SPG11: variants seen among roughly 807,000 people sequenced by gnomAD.
SPG11 encodes the protein spatacsin.
SPG11 carries 222 observed loss-of-function variants against 274.0 expected under a neutral mutation model. The observed-to-expected ratio is 0.81, with a 90% confidence interval of 0.73 to 0.91. The LOEUF (loss-of-function observed/expected upper bound fraction) is 0.91, where lower values mean the gene tolerates loss of function less well. Ranked by LOEUF, SPG11 falls within the 40% of genes least tolerant of loss-of-function variation. The pLI is 0.00. For synonymous variants in SPG11, 1,144 were observed against 1,039.7 expected (o/e 1.10, Z -1.93); for missense variants, 3,114 against 2,872.7 (o/e 1.08, Z -1.92).
rs1350976539 is a variant in SPG11, at chr15:44,569,436, G to T, written c.6547C>A (p.His2183Asn). ...TYIFDLLHKK[H>N]YFEVLMRKKL... ...TTCCTCATTAGCACTTCAAAGTAGT[G>T]CTTTTTATGCAGCAAATCAAATATG... The change falls in exon 35 of 40, where the codon CAC becomes AAC. Residue 2183 changes from histidine (H) to asparagine (N), a missense_variant. Coordinates refer to ENST00000261866, the MANE Select transcript of SPG11 (RefSeq NM_025137.4). 4 of 1,606,932 alleles carry T rather than the reference G, an allele frequency of 2.5e-6. No individual in the cohort carries two copies. The African/African-American group carries it at 4.0e-5, about 16-fold the overall frequency.
At position 44,626,301 on chromosome 15, in the gene SPG11, T is replaced by C. The variant is rs549882618; in HGVS notation, c.2244+30A>G. 1.9e-5 allele frequency: 30 copies of C among 1,570,452 alleles called. No individual in the cohort carries two copies. The African/African-American group carries it at 3.9e-4, about 21-fold the overall frequency. ...ATAACTAGAAATTATATTAAATACA[T>C]TTTAAGACTTTATGGATTACACCAC... On this transcript the variant is annotated intron_variant, in intron 11 of 39. Transcript: ENST00000261866.
intron 7 of SPG11, among the ~76,000 whole-genome samples, chr15:44,641,782 C>T (rs1595915453): frequency 6.6e-6 from 1 of 151,892 alleles, no homozygotes. Flanking sequence ...ATAAAACAAT[C>T]TTGGAAAACT....
chr15:44,609,104 A>T (rs1019079585), intron 18 of SPG11, among the ~76,000 whole-genome samples: 1 of 152,160 alleles, frequency 6.6e-6, no homozygotes, highest in Admixed American at 6.5e-5. Context: ...AGCACCATTA[A>T]GAAACTTTTG....
chr15:44,631,199 C>T (rs1192423021), intron 8 of SPG11, among the ~76,000 whole-genome samples: 1 of 152,120 alleles, frequency 6.6e-6, no homozygotes, highest in East Asian at 1.9e-4. Context: ...ATTTCTAGCA[C>T]ACTGTTAACA....
chr15:44,568,679 TC>T (rs1194561024), intron 35 of SPG11, among the ~76,000 whole-genome samples: 1 of 152,138 alleles, frequency 6.6e-6, no homozygotes, highest in Non-Finnish European at 1.5e-5. Context: ...TGTGTTTGAT[TC>T]CCAACCTGGC....
Position 44,663,377 on chromosome 15 carries a change from C to T in SPG11, c.257+14G>A, listed in dbSNP as rs746310484. ...TGGACTCCCCCAACGGCCCAACTCTCCCTCAGCACTTACTGCCAGAAGGGG... is the reference window on the plus strand; with the variant it reads ...TGGACTCCCCCAACGGCCCAACTCTTCCTCAGCACTTACTGCCAGAAGGGG... On this transcript the variant is annotated intron_variant, in intron 1 of 39. Transcript: ENST00000261866. 2.5e-6 allele frequency: 4 copies of T among 1,605,002 alleles called. No homozygotes were observed. Among genetic ancestry groups the T allele is most frequent in the Non-Finnish European group, 3.4e-6 (4 of 1,176,508 alleles).
chr15:44,657,392 ATTT>A, intron 3 of SPG11, 96 bp from the exon 4 acceptor site: 1 of 1,122,846 alleles, frequency 8.9e-7, no homozygotes, highest in Non-Finnish European at 1.3e-6. Context: ...TATCACTCCA[ATTT>A]TGTAGGTATA....
intron 30 of SPG11, among the ~76,000 whole-genome samples, chr15:44,583,493 A>G (rs1269375884): frequency 2.0e-5 from 3 of 152,192 alleles, no homozygotes; most frequent in African/African-American, 7.2e-5. Flanking sequence ...AAAGAAAAAC[A>G]AAAAGCCATA....
chr15:44,578,064 G>A (rs1275523277), intron 30 of SPG11, among the ~76,000 whole-genome samples: 7 of 135,096 alleles, frequency 5.2e-5, no homozygotes, highest in Middle Eastern at 4.5e-3. Context: ...TCGCTCTGTC[G>A]CCCAGGCTGG....
chr15:44,566,420 G>C (rs1473888876), intron 36 of SPG11, 115 bp from the exon 37 acceptor site: 9 of 1,003,928 alleles, frequency 9.0e-6, no homozygotes, highest in Non-Finnish European at 1.2e-5. Context: ...TCACAGGCAG[G>C]CAGGAACACC....
intron 20 of SPG11, among the ~76,000 whole-genome samples, chr15:44,605,404 A>C (rs1313904102): frequency 6.6e-6 from 1 of 152,238 alleles, no homozygotes; most frequent in Non-Finnish European, 1.5e-5. Flanking sequence ...ACTATGTACA[A>C]AGTACTAATG....
At chr15:44,621,581 C>T in intron 14 of SPG11, 178 bp downstream of exon 14, 2 of 625,648 alleles carry the variant, frequency 3.2e-6, no homozygotes, top group South Asian at 3.9e-5. Flanking sequence ...ATTATAAATC[C>T]CTCCCAGAAA....
Position 44,584,015 on chromosome 15 carries a change from C to T in SPG11, c.5665G>A (p.Gly1889Ser), listed in dbSNP as rs774739768. 1.9e-6 allele frequency: 3 copies of T among 1,614,240 alleles called. 1 individual carries two copies. The South Asian group carries it at 3.3e-5, about 18-fold the overall frequency. ...NFLIGRLLDD[G>S]CVHEASRVCR... ...ACTCTACTTGCTTCATGCACACAGC[C>T]ATCATCCAGTAGGCGCCCAATCAAA... The change falls in exon 30 of 40, where the codon GGC becomes AGC. Residue 1889 changes from glycine (G) to serine (S), a missense_variant. Transcript: ENST00000261866.
In SPG11 at chr15:44,567,414, CCTCA is replaced by C; in HGVS notation, c.6754+6_6754+9del. The C allele has an allele frequency of 6.2e-7, 1 of 1,612,788 alleles. No homozygotes were observed. Among genetic ancestry groups the C allele is most frequent in the South Asian group, 1.1e-5 (1 of 91,034 alleles). On this transcript the variant is annotated splice_donor_region_variant and intron_variant, in intron 36 of 39. Transcript: ENST00000261866. ...CACTGTTCTGGTAGTGTGGCTGTGA[CCTCA>C]CTCACCCCAGGGCTGAGACTCAATC...
chr15:44,588,078 T>C (rs2140954738), intron 28 of SPG11, among the ~76,000 whole-genome samples: 1 of 152,292 alleles, frequency 6.6e-6, no homozygotes, highest in East Asian at 1.9e-4. Context: ...CTGTCAGTGT[T>C]CTGTGCAAAT....
In SPG11 at chr15:44,567,524, G is replaced by A. The variant is rs2082335539; in HGVS notation, c.6654C>T (p.His2218=). The change falls in exon 36 of 40, where the codon CAC becomes CAT. Residue 2218 remains histidine (H), a synonymous_variant. Transcript: ENST00000261866. ...KRCRPGDSEK[H]NMIALCFSMC... is the part of the protein sequence containing the mutation. ...TGCTGAAGCACAGGGCAATCATATT[G>A]TGCTTTTCACTGTCTCCAGGACGGC... 3.1e-6 allele frequency: 5 copies of A among 1,614,012 alleles called. No homozygotes were observed. Among genetic ancestry groups the A allele is most frequent in the Non-Finnish European group, 3.4e-6 (4 of 1,180,004 alleles).
rs767234386 is a variant in SPG11 at position 44,659,064 on chromosome 15, TACC to T, written c.667+12_667+14del. On this transcript the variant is annotated intron_variant, in intron 3 of 39. Transcript: ENST00000261866. ...TCCTCTACGTATCAATCAACACTTC[TACC>T]ACCAAGGATACAGATCCAGCCTAAA... 33 of 1,612,340 alleles carry T rather than the reference TACC, an allele frequency of 2.0e-5. No homozygotes were observed. The highest frequency in any genetic ancestry group is 2.6e-5 in the Non-Finnish European group (31 of 1,178,410).
At chr15:44,663,128 G>A (rs1478340150) in intron 1 of SPG11, among the ~76,000 whole-genome samples, 2 of 152,270 alleles carry the variant, frequency 1.3e-5, no homozygotes, top group Non-Finnish European at 2.9e-5. Context: ...GTTCGCCGCA[G>A]GTGGCAATGG....
intron 36 of SPG11, chr15:44,567,194 A>AG: frequency 2.2e-6 from 1 of 449,272 alleles, no homozygotes; most frequent in Non-Finnish European, 4.1e-6. Flanking sequence ...TATTAAAAAT[A>AG]CAAAAAATTA....
Sources: allele counts gnomAD v4.1 joint callset (sites outside exome capture counted in the v4.1 genomes callset), GRCh38; gene constraint gnomAD v4.1.1; transcripts MANE v1.5; gene names NCBI Gene and HGNC (gene_info 2026-07-23, HGNC 2026-07-21).